SAMD12: variants seen among roughly 807,000 people sequenced by gnomAD.
The protein encoded by SAMD12 is sterile alpha motif domain containing 12, also known as sterile alpha motif domain-containing protein 12.
A neutral mutation model predicts 15.0 loss-of-function variants in SAMD12; 9 were observed. The observed-to-expected ratio is 0.60, with a 90% CI of 0.36 to 1.05. The LOEUF is 1.05. Among genes scored for constraint, SAMD12 ranks in the 50% least tolerant of loss-of-function variants. SAMD12 has a pLI of 0.01. For synonymous variants in SAMD12, 86 were observed against 90.1 expected (o/e 0.96, Z 0.25); for missense variants, 230 against 234.2 (o/e 0.98, Z 0.12).
At chr8:118,597,712 G>A (rs1827758325) in intron 1 of SAMD12, among the ~76,000 whole-genome samples, 1 of 152,222 alleles carries the variant, frequency 6.6e-6, no homozygotes, top group Admixed American at 6.5e-5. Flanking sequence ...TTGCATGGCT[G>A]ACTCCTTGTC....
intron 2 of SAMD12, among the ~76,000 whole-genome samples, chr8:118,570,438 C>G (rs144304138): frequency 0.019 from 2,824 of 152,246 alleles, 77 homozygotes; most frequent in African/African-American, 0.064. Flanking sequence ...TTAGCTCCCA[C>G]TTATAAGTGA....
chr8:118,384,028 C>T (rs899986549), intron 3 of SAMD12, among the ~76,000 whole-genome samples: 1 of 151,996 alleles, frequency 6.6e-6, no homozygotes, highest in Admixed American at 6.6e-5. Flanking sequence ...ACAGGGACGC[C>T]TATTAAAAAG....
intron 2 of SAMD12, among the ~76,000 whole-genome samples, chr8:118,450,847 G>C (rs565604802): frequency 1.3e-5 from 2 of 152,178 alleles, no homozygotes; most frequent in East Asian, 3.9e-4. Context: ...CAAGAGGCTT[G>C]GCATGCATTT....
intron 2 of SAMD12, among the ~76,000 whole-genome samples, chr8:118,520,899 A>G (rs1825373284): frequency 6.6e-6 from 1 of 152,222 alleles, no homozygotes; most frequent in Admixed American, 6.5e-5. Flanking sequence ...GTGGTGATCC[A>G]TAAAAAATAA....
chr8:118,150,145 A>T, the SAMD12 span, among the ~76,000 whole-genome samples: 1 of 152,228 alleles, frequency 6.6e-6, no homozygotes, highest in Non-Finnish European at 1.5e-5. Context: ...TATACAGGAC[A>T]GTCCCCACAA....
chr8:118,322,574 A>G (rs541156164), intron 4 of SAMD12, among the ~76,000 whole-genome samples: 90 of 152,350 alleles, frequency 5.9e-4, no homozygotes, highest in Non-Finnish European at 9.8e-4. Flanking sequence ...TTCTTCATGT[A>G]CTAAAAAGAC....
At chr8:118,182,921 C>T in the SAMD12 span, among the ~76,000 whole-genome samples, 1 of 152,172 alleles carries the variant, frequency 6.6e-6, no homozygotes. Flanking sequence ...TTCATTATAT[C>T]TTCAACTTCA....
intron 3 of SAMD12, among the ~76,000 whole-genome samples, chr8:118,415,411 C>T (rs1040704739): frequency 6.8e-6 from 1 of 147,308 alleles, no homozygotes; most frequent in East Asian, 2.0e-4. Context: ...GGAGAAAATG[C>T]CAGTGTAAAA....
intron 2 of SAMD12, among the ~76,000 whole-genome samples, chr8:118,563,403 C>T (rs1041593364): frequency 6.6e-6 from 1 of 152,134 alleles, no homozygotes; most frequent in African/African-American, 2.4e-5. Context: ...CCATCCATAC[C>T]CAGAATATAA....
At chr8:118,405,107 A>G (rs376516992) in intron 3 of SAMD12, among the ~76,000 whole-genome samples, 2 of 152,232 alleles carry the variant, frequency 1.3e-5, no homozygotes, top group Non-Finnish European at 1.5e-5. Context: ...CCAAGTGTTG[A>G]CAAGGATGTG....
intron 2 of SAMD12, among the ~76,000 whole-genome samples, chr8:118,505,355 T>G (rs1170554471): frequency 6.6e-6 from 1 of 151,840 alleles, no homozygotes; most frequent in Non-Finnish European, 1.5e-5. Flanking sequence ...TTTTTTTTTT[T>G]TTTTTCAGGG....
the SAMD12 span, among the ~76,000 whole-genome samples, chr8:118,176,277 G>C: frequency 1.3e-5 from 2 of 151,954 alleles, no homozygotes; most frequent in East Asian, 1.9e-4. Context: ...TTCCAGCCTG[G>C]GAGACACAGC....
intron 4 of SAMD12, among the ~76,000 whole-genome samples, chr8:118,203,586 T>A (rs1314109528): frequency 1.3e-5 from 2 of 152,128 alleles, no homozygotes; most frequent in Admixed American, 6.5e-5. Context: ...CTTTTTTTAA[T>A]TCTATTTTTT....
At chr8:118,469,531 T>TATAA (rs1230688616) in intron 2 of SAMD12, among the ~76,000 whole-genome samples, 1 of 2,698 alleles carries the variant, frequency 3.7e-4, no homozygotes, top group African/African-American at 6.1e-4. Flanking sequence ...ATATAATATA[T>TATAA]TATATATATT....
intron 2 of SAMD12, among the ~76,000 whole-genome samples, chr8:118,467,749 T>C (rs918511046): frequency 1.2e-4 from 19 of 152,200 alleles, no homozygotes; most frequent in Non-Finnish European, 2.6e-4. Flanking sequence ...CTGTCAATTA[T>C]GGTCTAAGAC....
chr8:118,339,745 A>G (rs1447463979), intron 4 of SAMD12, among the ~76,000 whole-genome samples: 1 of 152,114 alleles, frequency 6.6e-6, no homozygotes, highest in African/African-American at 2.4e-5. Context: ...TCTCCTCCCT[A>G]TGCACTCACT....
At chr8:118,376,926 T>G (rs1819416042), downstream of SAMD12, among the ~76,000 whole-genome samples, 2 of 151,942 alleles carry the variant, frequency 1.3e-5, no homozygotes, top group Non-Finnish European at 2.9e-5. Context: ...TCTAATATTT[T>G]TATTATAGCA....
chr8:118,297,967 G>A (rs1814806038), intron 4 of SAMD12, among the ~76,000 whole-genome samples: 1 of 152,192 alleles, frequency 6.6e-6, no homozygotes, highest in African/African-American at 2.4e-5. Flanking sequence ...TAAATGCAGT[G>A]GAAAGCAGTG....
chr8:118,159,613 A>T, the SAMD12 span, among the ~76,000 whole-genome samples: 4 of 152,332 alleles, frequency 2.6e-5, 1 homozygote, highest in Middle Eastern at 6.8e-3. Context: ...TAATTCATGA[A>T]GCATCAATAA....
Sources: allele counts gnomAD v4.1 joint callset (sites outside exome capture counted in the v4.1 genomes callset), GRCh38; gene constraint gnomAD v4.1.1; transcripts MANE v1.5; gene names NCBI Gene and HGNC (gene_info 2026-07-23, HGNC 2026-07-21).